Variants in NTM observed in about 807,000 individuals in gnomAD.
NTM encodes the protein neurotrimin.
Under a neutral mutation model 42.1 loss-of-function variants are expected in NTM, and 13 were observed. The observed-to-expected ratio is 0.31, with a 90% CI of 0.20 to 0.49. The LOEUF is 0.49. Among genes scored for constraint, NTM ranks in the 20% least tolerant of loss-of-function variants. The probability of loss-of-function intolerance (pLI) is 0.99; values close to 1 mark genes in which losing one functional copy is unlikely to be tolerated. For synonymous variants in NTM, 187 were observed against 179.2 expected (o/e 1.04, Z -0.35); for missense variants, 373 against 452.8 (o/e 0.82, Z 1.60).
At chr11:131,754,191 G>A (rs1391341436) in intron 1 of NTM, among the ~76,000 whole-genome samples, 9 of 140,040 alleles carry the variant, frequency 6.4e-5, no homozygotes, top group African/African-American at 2.6e-5. Flanking sequence ...TAAATGACGA[G>A]TTACTGGGTG....
At chr11:131,514,523 T>G (rs2048647053) in intron 1 of NTM, among the ~76,000 whole-genome samples, 1 of 152,190 alleles carries the variant, frequency 6.6e-6, no homozygotes, top group South Asian at 2.1e-4. Flanking sequence ...GTATTTTCCT[T>G]ACTGTATTAT....
At chr11:132,247,848 CTT>C (rs2139327663) in intron 4 of NTM, among the ~76,000 whole-genome samples, 1 of 152,302 alleles carries the variant, frequency 6.6e-6, no homozygotes, top group East Asian at 1.9e-4. Flanking sequence ...GACCTGAACA[CTT>C]AGTAGACACT....
intron 1 of NTM, among the ~76,000 whole-genome samples, chr11:131,409,957 A>G (rs904393872): frequency 2.0e-5 from 3 of 152,164 alleles, no homozygotes; most frequent in African/African-American, 7.2e-5. Flanking sequence ...CAAAAAAGCA[A>G]GGAAGATGCA....
At chr11:132,075,050 C>T (rs754527402) in intron 2 of NTM, among the ~76,000 whole-genome samples, 2 of 152,024 alleles carry the variant, frequency 1.3e-5, no homozygotes, top group African/African-American at 2.4e-5. Flanking sequence ...CATGGATGGA[C>T]CTTGAGGACA....
chr11:131,850,052 G>A (rs545890600), intron 1 of NTM, among the ~76,000 whole-genome samples: 1 of 151,930 alleles, frequency 6.6e-6, no homozygotes, highest in Non-Finnish European at 1.5e-5. Context: ...TGTAGGTTGC[G>A]GTGACCATCA....
intron 1 of NTM, among the ~76,000 whole-genome samples, chr11:131,382,731 A>G (rs1942839857): frequency 6.6e-6 from 1 of 152,206 alleles, no homozygotes; most frequent in Non-Finnish European, 1.5e-5. Context: ...TTTCTGGAGC[A>G]CTAATCATCC....
At chr11:131,800,271 G>A (rs1257542025) in intron 1 of NTM, among the ~76,000 whole-genome samples, 1 of 152,238 alleles carries the variant, frequency 6.6e-6, no homozygotes, top group East Asian at 1.9e-4. Flanking sequence ...ACCTAAACAA[G>A]TGGAGTTTCC....
chr11:131,400,289 A>G (rs985375771), intron 1 of NTM, among the ~76,000 whole-genome samples: 1 of 152,090 alleles, frequency 6.6e-6, no homozygotes, highest in East Asian at 1.9e-4. Context: ...GTCTGTTCCC[A>G]CTAGCTTTTG....
chr11:132,209,450 C>CT (rs1199744659), intron 3 of NTM, among the ~76,000 whole-genome samples: 1 of 152,154 alleles, frequency 6.6e-6, no homozygotes, highest in African/African-American at 2.4e-5. Context: ...CACACGCTGC[C>CT]TATCTGAAGC....
intron 4 of NTM, among the ~76,000 whole-genome samples, chr11:132,273,574 T>G (rs2093592602): frequency 6.6e-6 from 1 of 152,172 alleles, no homozygotes; most frequent in Non-Finnish European, 1.5e-5. Flanking sequence ...TTTTGATTAC[T>G]AATTTAATAT....
intron 1 of NTM, among the ~76,000 whole-genome samples, chr11:131,727,790 A>T (rs550217363): frequency 6.6e-6 from 1 of 152,204 alleles, no homozygotes; most frequent in Non-Finnish European, 1.5e-5. Flanking sequence ...CATTATGCAA[A>T]GCCCAGTTTC....
intron 7 of NTM, among the ~76,000 whole-genome samples, chr11:132,319,978 C>A (rs1017822364): frequency 6.6e-6 from 1 of 152,240 alleles, no homozygotes; most frequent in African/African-American, 2.4e-5. Context: ...TGTTCTGCAG[C>A]CTCCGCTGCT....
At chr11:131,696,006 A>G (rs2075396799) in intron 1 of NTM, among the ~76,000 whole-genome samples, 1 of 152,196 alleles carries the variant, frequency 6.6e-6, no homozygotes, top group South Asian at 2.1e-4. Context: ...GTGGTGCAGA[A>G]AGGTGCATGT....
chr11:131,377,915 T>C (rs1366169480), intron 1 of NTM, among the ~76,000 whole-genome samples: 2 of 152,258 alleles, frequency 1.3e-5, no homozygotes, highest in Non-Finnish European at 2.9e-5. Context: ...AAACCCATGA[T>C]TCTTCCAAGT....
At chr11:131,815,958 T>C (rs1252331697) in intron 1 of NTM, among the ~76,000 whole-genome samples, 1 of 152,142 alleles carries the variant, frequency 6.6e-6, no homozygotes, top group African/African-American at 2.4e-5. Flanking sequence ...GAGTTGGAGA[T>C]GGGGAGAGAG....
At chr11:132,034,873 C>A (rs1308552957) in intron 2 of NTM, among the ~76,000 whole-genome samples, 1 of 152,172 alleles carries the variant, frequency 6.6e-6, no homozygotes, top group African/African-American at 2.4e-5. Context: ...CAAAAATGTT[C>A]CCACTACTGA....
At chr11:131,660,389 G>T in intron 1 of NTM, 1 of 445,714 alleles carries the variant, frequency 2.2e-6, no homozygotes, top group South Asian at 1.6e-5. Context: ...AGGGGGTGAG[G>T]GTGAGGGAGG....
intron 2 of NTM, among the ~76,000 whole-genome samples, chr11:131,952,173 G>A (rs373108934): frequency 1.7e-4 from 26 of 152,002 alleles, no homozygotes; most frequent in Admixed American, 1.5e-3. Flanking sequence ...ACACATCTCC[G>A]ATTCTCAATC....
chr11:131,688,935 A>G (rs2074292143), intron 1 of NTM, among the ~76,000 whole-genome samples: 1 of 152,172 alleles, frequency 6.6e-6, no homozygotes, highest in Admixed American at 6.5e-5. Flanking sequence ...GTGTTTCCTT[A>G]GGATTGTTAG....
Sources: gnomAD v4.1 joint callset for allele counts (sites outside exome capture counted in the v4.1 genomes callset) on GRCh38, gnomAD v4.1.1 for gene constraint, MANE v1.5 for transcripts, NCBI Gene and HGNC (gene_info 2026-07-23, HGNC 2026-07-21) for gene names.